ADCY2: variants seen among roughly 807,000 people sequenced by gnomAD.
ADCY2 encodes adenylate cyclase 2.
ADCY2 carries 31 observed loss-of-function variants against 125.2 expected under a neutral mutation model. The ratio of observed to expected loss-of-function variants is 0.25; its 90% CI spans 0.19 to 0.33. The LOEUF (loss-of-function observed/expected upper bound fraction) is 0.33. ADCY2 is among the 10% of genes least tolerant of loss of function. The pLI, the probability that ADCY2 is intolerant of heterozygous loss-of-function variation, is 1.00. For missense variants in ADCY2, 904 were observed against 1,418.2 expected (o/e 0.64, Z 5.82); for synonymous variants, 512 against 548.4 (o/e 0.93, Z 0.93).
chr5:7,405,020 T>G (rs988605042), intron 1 of ADCY2, among the ~76,000 whole-genome samples: 6 of 152,206 alleles, frequency 3.9e-5, no homozygotes, highest in African/African-American at 1.4e-4. Flanking sequence ...ATGACATTTT[T>G]ATGACCCTGT....
chr5:7,766,209 G>A (rs1234239492), intron 16 of ADCY2, among the ~76,000 whole-genome samples: 3 of 152,116 alleles, frequency 2.0e-5, no homozygotes, highest in Non-Finnish European at 4.4e-5. Context: ...GCTGGTGATT[G>A]CATTTTGCCC....
intron 2 of ADCY2, among the ~76,000 whole-genome samples, chr5:7,474,113 A>G (rs1005880783): frequency 6.6e-6 from 1 of 152,192 alleles, no homozygotes; most frequent in Non-Finnish European, 1.5e-5. Flanking sequence ...GTAAGTTATC[A>G]TGCTTTTTCT....
At position 7,396,656 on chromosome 5, in the gene ADCY2, C is replaced by G; in HGVS notation, c.210+150C>G. 2.1e-6 allele frequency: 1 copy of G among 465,652 alleles called. No individual in the cohort carries two copies. 28.8% of individuals were successfully genotyped at this position (465,652 alleles called of 1,614,324 possible). On this transcript the variant is annotated intron_variant, in intron 1 of 24. Coordinates refer to ENST00000338316, the MANE Select transcript of ADCY2 (RefSeq NM_020546.3). This position sits in a 1 kb window ranked among gnomAD's most constrained non-coding sequence, Gnocchi z 5.7. ...CCCCTCGGCCCGCGGCTCCCTGCTTCTCCTGCTGGCCCGCGGCCCGGTGGA... is the reference window on the plus strand; with the variant it reads ...CCCCTCGGCCCGCGGCTCCCTGCTTGTCCTGCTGGCCCGCGGCCCGGTGGA...
intron 7 of ADCY2, among the ~76,000 whole-genome samples, chr5:7,698,709 G>GACATGTCCCTGCCAAGGA (rs1194562098): frequency 6.6e-6 from 1 of 152,114 alleles, no homozygotes; most frequent in East Asian, 1.9e-4. Context: ...CCTGCCAAGG[G>GACATGTCCCTGCCAAGGA]CATGAACTCA....
intron 3 of ADCY2, among the ~76,000 whole-genome samples, chr5:7,569,737 T>A (rs374833052): frequency 3.3e-5 from 5 of 152,198 alleles, no homozygotes; most frequent in East Asian, 3.9e-4. Flanking sequence ...AAGCCCATAG[T>A]TGAAATGGTG....
intron 12 of ADCY2, 137 bp from the exon 13 acceptor site, chr5:7,724,408 G>GTTTTT: frequency 5.3e-6 from 3 of 565,392 alleles, no homozygotes; most frequent in Non-Finnish European, 6.0e-6. Context: ...GGCATCACGT[G>GTTTTT]TTTTTTTTTT....
At chr5:7,629,630 T>C (rs775291806) in intron 4 of ADCY2, among the ~76,000 whole-genome samples, 2 of 152,230 alleles carry the variant, frequency 1.3e-5, no homozygotes, top group African/African-American at 2.4e-5. Context: ...ATGCATTGCA[T>C]TGGAATTGAG....
At chr5:7,433,023 A>G (rs1435126300) in intron 2 of ADCY2, among the ~76,000 whole-genome samples, 2 of 151,510 alleles carry the variant, frequency 1.3e-5, no homozygotes, top group East Asian at 3.9e-4. Flanking sequence ...TTCATTTCAA[A>G]CTATTAACAC....
intron 7 of ADCY2, among the ~76,000 whole-genome samples, chr5:7,705,105 A>G (rs1741225860): frequency 6.6e-6 from 1 of 152,138 alleles, no homozygotes; most frequent in African/African-American, 2.4e-5. Context: ...CGTGGTTGGA[A>G]ATGTCCTCTC....
At chr5:7,493,372 C>T (rs550531069) in intron 2 of ADCY2, among the ~76,000 whole-genome samples, 1 of 152,138 alleles carries the variant, frequency 6.6e-6, no homozygotes, top group East Asian at 1.9e-4. Context: ...GTGCCTGTTA[C>T]TCCTCTAAGA....
At chr5:7,617,345 C>T (rs188983350) in intron 3 of ADCY2, among the ~76,000 whole-genome samples, 8 of 152,262 alleles carry the variant, frequency 5.3e-5, no homozygotes, top group East Asian at 3.9e-4. Flanking sequence ...AGAAGGCAGC[C>T]GTCTGCAAGC....
chr5:7,550,792 A>G (rs1735305365), intron 3 of ADCY2, among the ~76,000 whole-genome samples: 1 of 151,998 alleles, frequency 6.6e-6, no homozygotes, highest in Non-Finnish European at 1.5e-5. Context: ...TTCCACTCAC[A>G]CTCAGCATCT....
chr5:7,682,338 T>C (rs991677552), intron 4 of ADCY2, among the ~76,000 whole-genome samples: 1 of 152,222 alleles, frequency 6.6e-6, no homozygotes, highest in African/African-American at 2.4e-5. Context: ...CCTTGAATGC[T>C]GCAAACATGA....
chr5:7,706,684 C>T (rs758714787), intron 7 of ADCY2, 60 bp from the exon 8 acceptor site: 28 of 1,578,198 alleles, frequency 1.8e-5, no homozygotes, highest in Non-Finnish European at 2.4e-5. Context: ...GAAAATTGGC[C>T]AAGAGTTAAA....
rs529831522 is a variant in ADCY2, at chr5:7,646,138, G to A, written c.720+19822G>A. On this transcript the variant is annotated intron_variant, in intron 4 of 24. Transcript: ENST00000338316. ...GTTGGGATTTTTAAAAAAAACGTTG[G>A]AAGCAAAGAAACGAGTAAAACTTGA... Among the ~76,000 whole-genome samples, 32 of 152,052 alleles carry A rather than the reference G, an allele frequency of 2.1e-4. No individual in the cohort carries two copies. In the South Asian group the frequency reaches 5.8e-3, roughly 28 times the overall value.
intron 3 of ADCY2, among the ~76,000 whole-genome samples, chr5:7,547,613 G>A (rs903922912): frequency 4.6e-5 from 7 of 152,172 alleles, no homozygotes; most frequent in Non-Finnish European, 8.8e-5. Context: ...CTGTCTCCTT[G>A]TTCCCTGTGT....
chr5:7,555,858 A>ACG (rs397934493), intron 3 of ADCY2, among the ~76,000 whole-genome samples: 61 of 145,152 alleles, frequency 4.2e-4, no homozygotes, highest in Non-Finnish European at 8.1e-4. Context: ...GTGAGCGCAC[A>ACG]CACACACACA....
chr5:7,791,948 A>AG (rs1036562277), intron 20 of ADCY2, among the ~76,000 whole-genome samples: 12 of 151,990 alleles, frequency 7.9e-5, no homozygotes, highest in Non-Finnish European at 1.6e-4. Context: ...GACGGGGGCC[A>AG]GGGGGAGAGA....
intron 8 of ADCY2, 69 bp downstream of exon 8, chr5:7,706,971 A>G: frequency 1.9e-6 from 3 of 1,579,160 alleles, no homozygotes; most frequent in Non-Finnish European, 2.6e-6. Flanking sequence ...TTATCAGCCT[A>G]ATGACGGAGT....
Sources: allele counts gnomAD v4.1 joint callset (sites outside exome capture counted in the v4.1 genomes callset), GRCh38; gene constraint gnomAD v4.1.1; non-coding constraint Gnocchi (gnomAD v3.1); transcripts MANE v1.5; gene names NCBI Gene and HGNC (gene_info 2026-07-23, HGNC 2026-07-21).